The following HS6ST3 variants were observed in gnomAD, a reference collection of about 807,000 sequenced individuals.
HS6ST3 encodes the protein heparan-sulfate 6-O-sulfotransferase 3.
In HS6ST3, 12 loss-of-function variants were observed where a neutral mutation model predicts 36.7. The ratio of observed to expected loss-of-function variants is 0.33; its 90% CI spans 0.21 to 0.53. The LOEUF is 0.53. HS6ST3 is among the 20% of genes least tolerant of loss of function. HS6ST3 has a pLI of 0.95. For missense variants in HS6ST3, 584 were observed against 640.9 expected (o/e 0.91, Z 0.96); for synonymous variants, 240 against 257.5 (o/e 0.93, Z 0.65).
intron 1 of HS6ST3, among the ~76,000 whole-genome samples, chr13:96,586,289 G>C (rs1594812715): frequency 3.3e-5 from 5 of 151,822 alleles, no homozygotes; most frequent in Admixed American, 3.3e-4. Context: ...ATGGTTCTTG[G>C]GTATTTCAAT....
rs181402769 is a variant in HS6ST3 at position 96,141,667 on chromosome 13, C to T, written c.707+50098C>T. Among the ~76,000 whole-genome samples the T allele has an allele frequency of 2.0e-5, 3 of 152,018 alleles. No homozygotes were observed. In the East Asian group the frequency reaches 5.8e-4, roughly 29 times the overall value. On this transcript the variant is annotated intron_variant, in intron 1 of 1. Transcript: ENST00000376705. ...ATTTCTTTTGATATTGGGCAGTGCCCCTGGCTACCCAAAATGCATGAGTTC... is the reference window on the plus strand; with the variant it reads ...ATTTCTTTTGATATTGGGCAGTGCCTCTGGCTACCCAAAATGCATGAGTTC...
intron 1 of HS6ST3, among the ~76,000 whole-genome samples, chr13:96,431,465 C>T (rs938979538): frequency 2.0e-5 from 3 of 152,108 alleles, no homozygotes; most frequent in Non-Finnish European, 4.4e-5. Context: ...TCCCAAGGCC[C>T]GTTACTAAAC....
intron 1 of HS6ST3, among the ~76,000 whole-genome samples, chr13:96,675,443 A>G (rs1254514594): frequency 1.3e-5 from 2 of 152,078 alleles, no homozygotes; most frequent in African/African-American, 4.8e-5. Flanking sequence ...TCAATATAAA[A>G]AGATATATTT....
At chr13:96,469,715 AGTG>A (rs1486658983) in intron 1 of HS6ST3, among the ~76,000 whole-genome samples, 4 of 151,926 alleles carry the variant, frequency 2.6e-5, no homozygotes, top group African/African-American at 9.7e-5. Flanking sequence ...TAGAGATAGT[AGTG>A]GTGGTGATGG....
chr13:96,597,881 T>G (rs2056407675), intron 1 of HS6ST3, among the ~76,000 whole-genome samples: 1 of 152,158 alleles, frequency 6.6e-6, no homozygotes, highest in African/African-American at 2.4e-5. Flanking sequence ...AGTTTTATCC[T>G]TTGGCACATG....
intron 1 of HS6ST3, among the ~76,000 whole-genome samples, chr13:96,304,723 T>TCTTTC (rs1278260017): frequency 1.2e-4 from 8 of 68,622 alleles, no homozygotes; most frequent in East Asian, 3.8e-4. Context: ...TTTTTTTTTT[T>TCTTTC]TTTTTTTTAC....
At chr13:96,731,065 C>T (rs1011336536) in intron 1 of HS6ST3, among the ~76,000 whole-genome samples, 3 of 152,112 alleles carry the variant, frequency 2.0e-5, no homozygotes, top group African/African-American at 7.2e-5. Context: ...TAAACATTAC[C>T]TCGCATAGTT....
chr13:96,828,441 T>C (rs1466991762), intron 1 of HS6ST3, among the ~76,000 whole-genome samples: 1 of 152,162 alleles, frequency 6.6e-6, no homozygotes, highest in Non-Finnish European at 1.5e-5. Flanking sequence ...CAGTTTAGCT[T>C]GGACAAGTTA....
intron 1 of HS6ST3, among the ~76,000 whole-genome samples, chr13:96,174,538 T>C (rs1305721241): frequency 6.6e-6 from 1 of 152,158 alleles, no homozygotes; most frequent in Non-Finnish European, 1.5e-5. Context: ...CCTGGTATAG[T>C]AGATATATTA....
chr13:96,756,395 A>C (rs1876832356), intron 1 of HS6ST3, among the ~76,000 whole-genome samples: 1 of 152,168 alleles, frequency 6.6e-6, no homozygotes, highest in Non-Finnish European at 1.5e-5. Flanking sequence ...TTTTATACTT[A>C]GTGTCTCTTG....
intron 1 of HS6ST3, among the ~76,000 whole-genome samples, chr13:96,635,441 C>T (rs987554503): frequency 5.3e-5 from 8 of 152,016 alleles, no homozygotes; most frequent in Non-Finnish European, 1.0e-4. Context: ...CTGGAACCCA[C>T]CCCCCTCTTC....
intron 1 of HS6ST3, among the ~76,000 whole-genome samples, chr13:96,756,870 G>A (rs186621785): frequency 2.0e-5 from 3 of 152,206 alleles, no homozygotes; most frequent in East Asian, 1.9e-4. Context: ...CATTGTATTC[G>A]TTTTCTATGC....
rs1346526826 is a variant in HS6ST3 at position 96,566,937 on chromosome 13, G to GA, written c.708-265546dup. Among the ~76,000 whole-genome samples, 5 of 151,952 alleles carry GA rather than the reference G, an allele frequency of 3.3e-5. No homozygotes were observed. The South Asian group carries it at 8.3e-4, about 25-fold the overall frequency. On this transcript the variant is annotated intron_variant, in intron 1 of 1. Transcript: ENST00000376705. The stretch of plus-strand genomic sequence containing the variant: ...TTTTCTTTTGGAATTAAGCGTTTCA[G>GA]AAAAAAACAGGAATTTCTCATCAAA...
rs2054800179 is a variant in HS6ST3, at chr13:96,285,978, CTT to C, written c.707+194411_707+194412del. 3.3e-5 allele frequency among the ~76,000 whole-genome samples: 5 copies of C among 149,704 alleles called. No homozygotes were observed. In the South Asian group the frequency reaches 8.7e-4, roughly 26 times the overall value. ...CTCTCCTGCCTGCCCTTCTCTTCCT[CTT>C]TCTCTCCCTCTTTCCCTCCCTCCCT... On this transcript the variant is annotated intron_variant, in intron 1 of 1. Transcript: ENST00000376705.
intron 1 of HS6ST3, among the ~76,000 whole-genome samples, chr13:96,556,321 C>T (rs1403229008): frequency 6.6e-6 from 1 of 152,136 alleles, no homozygotes; most frequent in Non-Finnish European, 1.5e-5. Flanking sequence ...AAAGAAGAAA[C>T]CCCGCTGGAC....
intron 1 of HS6ST3, among the ~76,000 whole-genome samples, chr13:96,644,665 A>G (rs2056581681): frequency 6.6e-6 from 1 of 151,980 alleles, no homozygotes; most frequent in African/African-American, 2.4e-5. Flanking sequence ...GCTTCATAAC[A>G]TGCAGTCCGT....
At chr13:96,121,897 G>T (rs773410517) in intron 1 of HS6ST3, among the ~76,000 whole-genome samples, 18 of 151,924 alleles carry the variant, frequency 1.2e-4, no homozygotes, top group African/African-American at 3.4e-4. Flanking sequence ...CTCATATACT[G>T]GCATTAACAT....
At chr13:96,751,504 T>A (rs754633604) in intron 1 of HS6ST3, among the ~76,000 whole-genome samples, 29 of 152,116 alleles carry the variant, frequency 1.9e-4, no homozygotes, top group Non-Finnish European at 4.0e-4. Context: ...ACTTCTGGCC[T>A]TCAGAACTGG....
At chr13:96,646,176 C>T (rs757471010) in intron 1 of HS6ST3, among the ~76,000 whole-genome samples, 6 of 151,936 alleles carry the variant, frequency 3.9e-5, no homozygotes, top group Admixed American at 1.3e-4. Flanking sequence ...GCTGAATTGG[C>T]GTTTGCGGTG....
Sources: allele counts gnomAD v4.1 joint callset (sites outside exome capture counted in the v4.1 genomes callset), GRCh38; gene constraint gnomAD v4.1.1; transcripts MANE v1.5; gene names NCBI Gene and HGNC (gene_info 2026-07-23, HGNC 2026-07-21).